The following CDK14 variants were observed in gnomAD, a reference collection of about 807,000 sequenced individuals.
The protein encoded by CDK14 is cyclin-dependent kinase 14.
A neutral mutation model predicts 60.7 loss-of-function variants in CDK14; 34 were observed. The ratio of observed to expected loss-of-function variants is 0.56; its 90% CI spans 0.43 to 0.75. The LOEUF (loss-of-function observed/expected upper bound fraction) is 0.75, where lower values mean the gene tolerates loss of function less well. Among genes scored for constraint, CDK14 ranks in the 30% least tolerant of loss-of-function variants. CDK14 has a pLI of 0.00. For missense variants in CDK14, 482 were observed against 564.1 expected (o/e 0.85, Z 1.47); for synonymous variants, 197 against 203.7 (o/e 0.97, Z 0.28).
At chr7:90,771,512 C>T (rs929179773) in intron 4 of CDK14, among the ~76,000 whole-genome samples, 1 of 152,220 alleles carries the variant, frequency 6.6e-6, no homozygotes, top group African/African-American at 2.4e-5. Context: ...AGAAGGAAAG[C>T]TCTCAGCAGC....
At chr7:91,152,877 A>G (rs1192981696) in intron 14 of CDK14, among the ~76,000 whole-genome samples, 4 of 152,256 alleles carry the variant, frequency 2.6e-5, no homozygotes, top group African/African-American at 7.2e-5. Context: ...ATGATCTTAT[A>G]TAATAACTAT....
intron 10 of CDK14, among the ~76,000 whole-genome samples, chr7:91,039,814 G>T (rs117286512): frequency 6.6e-6 from 1 of 151,902 alleles, no homozygotes; most frequent in Admixed American, 6.6e-5. Context: ...CTTCTTGGCC[G>T]GGTGCGGTGG....
chr7:91,081,345 T>C (rs1798478621), intron 12 of CDK14, among the ~76,000 whole-genome samples: 1 of 152,214 alleles, frequency 6.6e-6, no homozygotes, highest in African/African-American at 2.4e-5. Flanking sequence ...GTGATGGTTT[T>C]CTCTATTTCC....
chr7:90,758,287 T>C (rs1428858987), intron 4 of CDK14, among the ~76,000 whole-genome samples: 1 of 152,150 alleles, frequency 6.6e-6, no homozygotes, highest in Non-Finnish European at 1.5e-5. Context: ...TCTCTCTCTC[T>C]CTCTGTTTTT....
intron 9 of CDK14, among the ~76,000 whole-genome samples, chr7:90,977,197 T>G (rs1795097864): frequency 6.6e-6 from 1 of 152,152 alleles, no homozygotes; most frequent in African/African-American, 2.4e-5. Flanking sequence ...CTTGTCATTT[T>G]CCCTTGAGTG....
At chr7:90,742,573 T>G (rs1288494859) in intron 3 of CDK14, among the ~76,000 whole-genome samples, 1 of 152,052 alleles carries the variant, frequency 6.6e-6, no homozygotes, top group African/African-American at 2.4e-5. Context: ...CAGATATCTT[T>G]TATTGTCTTT....
chr7:90,647,685 C>G (rs1800499420), intron 2 of CDK14, among the ~76,000 whole-genome samples: 1 of 152,060 alleles, frequency 6.6e-6, no homozygotes, highest in African/African-American at 2.4e-5. Flanking sequence ...AGCAGCTGAA[C>G]TCTTTAAATA....
At chr7:90,814,647 T>C (rs1789277135) in intron 5 of CDK14, among the ~76,000 whole-genome samples, 1 of 152,140 alleles carries the variant, frequency 6.6e-6, no homozygotes, top group South Asian at 2.1e-4. Context: ...CCAGGCGTGG[T>C]GGCTCACACC....
At chr7:90,659,138 C>G (rs1029021249) in intron 2 of CDK14, among the ~76,000 whole-genome samples, 7 of 152,114 alleles carry the variant, frequency 4.6e-5, no homozygotes, top group Non-Finnish European at 1.0e-4. Flanking sequence ...TTTCTTCTTA[C>G]ATTTGTTCTA....
intron 2 of CDK14, among the ~76,000 whole-genome samples, chr7:90,707,075 A>G (rs1185377548): frequency 6.6e-6 from 1 of 152,052 alleles, no homozygotes; most frequent in Admixed American, 6.6e-5. Context: ...CTAGGCATAT[A>G]AGCAAACTTT....
chr7:91,112,444 G>A lies in CDK14; in HGVS notation c.1155-98G>A, dbSNP rs138108115. ...AGCAGGTAATTTGTTTTTCTAGCCA[G>A]GAATAAATTGAAATCCAGAAAAATT... On this transcript the variant is annotated intron_variant, in intron 12 of 14. Transcript: ENST00000380050. The A allele has an allele frequency of 9.1e-6, 12 of 1,316,818 alleles. No homozygotes were observed. The East Asian group carries it at 2.8e-4, about 31-fold the overall frequency. 81.6% of individuals were successfully genotyped at this position (1,316,818 alleles called of 1,614,324 possible).
chr7:90,783,972 C>T (rs187985142), intron 4 of CDK14, among the ~76,000 whole-genome samples: 15 of 152,088 alleles, frequency 9.9e-5, no homozygotes, highest in African/African-American at 3.6e-4. Flanking sequence ...ATACCTGCAC[C>T]CCCATGTTTA....
intron 8 of CDK14, among the ~76,000 whole-genome samples, chr7:90,926,718 TC>T (rs1335665215): frequency 6.6e-6 from 1 of 152,176 alleles, no homozygotes; most frequent in Non-Finnish European, 1.5e-5. Flanking sequence ...GTCTAAAGAT[TC>T]TATTTATTTC....
intron 6 of CDK14, among the ~76,000 whole-genome samples, chr7:90,894,677 A>G (rs1461030861): frequency 1.3e-5 from 2 of 152,228 alleles, no homozygotes; most frequent in Admixed American, 6.5e-5. Flanking sequence ...TCACAAGCAT[A>G]TAATATTCAC....
At chr7:90,974,537 T>C (rs1376227247) in intron 9 of CDK14, among the ~76,000 whole-genome samples, 3 of 152,182 alleles carry the variant, frequency 2.0e-5, no homozygotes, top group African/African-American at 4.8e-5. Context: ...CGAAACAAAC[T>C]TTTGCCTTGA....
chr7:90,633,602 C>G (rs1034842127), intron 2 of CDK14, among the ~76,000 whole-genome samples: 22 of 152,190 alleles, frequency 1.4e-4, no homozygotes, highest in Non-Finnish European at 1.6e-4. Context: ...TACCTTGGAG[C>G]TTCCTACAAG....
chr7:90,784,538 A>C (rs1480915853), intron 4 of CDK14, among the ~76,000 whole-genome samples: 1 of 152,220 alleles, frequency 6.6e-6, no homozygotes, highest in African/African-American at 2.4e-5. Context: ...AAATATGTAC[A>C]ACTATTATGT....
At chr7:91,101,493 A>G (rs1276949279) in intron 12 of CDK14, among the ~76,000 whole-genome samples, 1 of 152,228 alleles carries the variant, frequency 6.6e-6, no homozygotes, top group Admixed American at 6.5e-5. Flanking sequence ...GTGAATAAGT[A>G]TTGAGTATTT....
chr7:90,766,924 C>A (rs1304481605), intron 4 of CDK14, among the ~76,000 whole-genome samples: 1 of 152,168 alleles, frequency 6.6e-6, no homozygotes, highest in African/African-American at 2.4e-5. Context: ...GCACGGCCAG[C>A]TCTCCCTTGC....
Sources: allele counts gnomAD v4.1 joint callset (sites outside exome capture counted in the v4.1 genomes callset), GRCh38; gene constraint gnomAD v4.1.1; transcripts MANE v1.5; gene names NCBI Gene and HGNC (gene_info 2026-07-23, HGNC 2026-07-21).